Variants in TFDP2 observed in about 807,000 individuals in gnomAD.
The protein encoded by TFDP2 is transcription factor Dp-2.
A neutral mutation model predicts 59.3 loss-of-function variants in TFDP2; 17 were observed. The observed-to-expected ratio is 0.29, with a 90% CI of 0.20 to 0.43. The LOEUF (loss-of-function observed/expected upper bound fraction) is 0.43. Among genes scored for constraint, TFDP2 ranks in the 20% least tolerant of loss-of-function variants. The pLI is 1.00. For missense variants in TFDP2, 391 were observed against 528.8 expected, an observed-to-expected ratio of 0.74 and a Z score of 2.56; for synonymous variants, 180 against 194.7, an observed-to-expected ratio of 0.92 and a Z score of 0.63.
At chr3:142,093,273 T>C (rs2061056709) in intron 2 of TFDP2, 146 bp from the exon 3 acceptor site, 1 of 520,966 alleles carries the variant, frequency 1.9e-6, no homozygotes, top group Admixed American at 3.8e-5. Flanking sequence ...CACAGGAGTA[T>C]TATTTTAAAA....
At chr3:141,973,123 A>ATTTTTTTTTTTTTTTT (rs761950988) in intron 8 of TFDP2, among the ~76,000 whole-genome samples, 2 of 58,030 alleles carry the variant, frequency 3.4e-5, no homozygotes, top group Non-Finnish European at 7.4e-5. Flanking sequence ...ATATATATAT[A>ATTTTTTTTTTTTTTTT]TTTTTTTTTT....
chr3:142,005,102 C>T (rs144888874), intron 4 of TFDP2, among the ~76,000 whole-genome samples: 23 of 152,316 alleles, frequency 1.5e-4, no homozygotes, highest in African/African-American at 5.5e-4. Context: ...GGCAGGAGTG[C>T]AGTGGTGCAA....
chr3:142,130,553 A>G (rs896929592), intron 1 of TFDP2, among the ~76,000 whole-genome samples: 2 of 151,288 alleles, frequency 1.3e-5, no homozygotes, highest in African/African-American at 2.4e-5. Context: ...GGTTTGTTAC[A>G]TATGTATACA....
At chr3:141,993,144 G>C (rs946986119) in intron 6 of TFDP2, among the ~76,000 whole-genome samples, 3 of 150,358 alleles carry the variant, frequency 2.0e-5, no homozygotes, top group Admixed American at 1.3e-4. Flanking sequence ...AGGTTGCAGT[G>C]AGCCAAGATA....
At chr3:141,966,605 T>C (rs897233902) in intron 9 of TFDP2, among the ~76,000 whole-genome samples, 3 of 151,866 alleles carry the variant, frequency 2.0e-5, no homozygotes, top group African/African-American at 7.3e-5. Flanking sequence ...CTTTGGCCTT[T>C]TGTTCTTTTT....
chr3:142,102,030 C>T (rs1437387011), intron 1 of TFDP2, among the ~76,000 whole-genome samples, 189 bp from the exon 2 acceptor site: 1 of 152,174 alleles, frequency 6.6e-6, no homozygotes, highest in South Asian at 2.1e-4. Flanking sequence ...GAAAGGTTAA[C>T]TAATTTGACC....
chr3:141,956,011 T>C (rs1413686214), intron 11 of TFDP2, among the ~76,000 whole-genome samples: 3 of 152,198 alleles, frequency 2.0e-5, no homozygotes, highest in African/African-American at 7.2e-5. Flanking sequence ...TTTTGCCATG[T>C]TGGTCAGCCT....
intron 3 of TFDP2, chr3:142,028,447 A>C (rs1946250179): frequency 2.8e-6 from 1 of 351,278 alleles, no homozygotes; most frequent in Non-Finnish European, 3.6e-6. Context: ...TTCTGTCTGC[A>C]ACAAGCAAGG....
At chr3:142,027,224 G>GT (rs892661008) in intron 3 of TFDP2, among the ~76,000 whole-genome samples, 15 of 151,230 alleles carry the variant, frequency 9.9e-5, no homozygotes, top group Admixed American at 3.9e-4. Context: ...AATATTTAAA[G>GT]TTTTTTTTTA....
chr3:142,105,703 A>G (rs1426321787), intron 1 of TFDP2, among the ~76,000 whole-genome samples: 1 of 152,234 alleles, frequency 6.6e-6, no homozygotes, highest in East Asian at 1.9e-4. Context: ...TTCACAGAAC[A>G]AAGTACAATT....
At position 142,042,167 on chromosome 3, in the gene TFDP2, T is replaced by G. The variant is rs562923367; in HGVS notation, c.83-36623A>C. 8.1e-4 allele frequency among the ~76,000 whole-genome samples: 124 copies of G among 152,362 alleles called. 1 individual carries two copies. The highest frequency in any genetic ancestry group is 2.8e-3 in the African/African-American group (116 of 41,588). ...TATGTTAACATATTCATTTTTATTC[T>G]AATTACTAATAAGGTGGTCTTATAT... is the stretch of plus-strand genomic sequence containing the variant. On this transcript the variant is annotated intron_variant, in intron 3 of 12. Coordinates refer to ENST00000489671, the MANE Select transcript of TFDP2 (RefSeq NM_001178139.2).
At chr3:141,955,749 T>C (rs549113156) in intron 11 of TFDP2, among the ~76,000 whole-genome samples, 98 of 152,368 alleles carry the variant, frequency 6.4e-4, no homozygotes, top group African/African-American at 2.0e-3. Context: ...AAATTCTAGA[T>C]GGTTATACTT....
At chr3:142,009,926 T>C (rs1944522944) in intron 3 of TFDP2, among the ~76,000 whole-genome samples, 1 of 151,710 alleles carries the variant, frequency 6.6e-6, no homozygotes, top group South Asian at 2.1e-4. Flanking sequence ...AAAAATCAAA[T>C]ATTGAAACAT....
In TFDP2 at chr3:142,000,975, G is replaced by A. The variant is rs534929077; in HGVS notation, c.186+4466C>T. ...GGCAGCCCATGCTGCAGTTCTCCTG[G>A]GTTAGAGTTTGAGTCTTCTGCATGT... is the stretch of plus-strand genomic sequence containing the variant. On this transcript the variant is annotated intron_variant, in intron 4 of 12. Coordinates refer to ENST00000489671, the MANE Select transcript of TFDP2 (RefSeq NM_001178139.2). Among the ~76,000 whole-genome samples, 510 of 152,266 alleles carry A rather than the reference G, an allele frequency of 3.3e-3. 1 individual carries two copies. The highest frequency in any genetic ancestry group is 5.7e-3 in the Non-Finnish European group (389 of 68,016).
At chr3:141,966,661 G>C (rs565072425) in intron 9 of TFDP2, among the ~76,000 whole-genome samples, 1 of 151,652 alleles carries the variant, frequency 6.6e-6, no homozygotes, top group Non-Finnish European at 1.5e-5. Flanking sequence ...CTTTAAGTGT[G>C]TTCATTCATT....
At chr3:142,052,254 T>C (rs566695101) in intron 3 of TFDP2, among the ~76,000 whole-genome samples, 3 of 152,056 alleles carry the variant, frequency 2.0e-5, no homozygotes, top group African/African-American at 7.2e-5. Context: ...AACCTTAGTA[T>C]TGGCCGTGCG....
chr3:141,984,250 C>T (rs1941810886), intron 6 of TFDP2, among the ~76,000 whole-genome samples: 1 of 151,992 alleles, frequency 6.6e-6, no homozygotes, highest in Non-Finnish European at 1.5e-5. Context: ...ACCTGTAATC[C>T]CAGCACTTTG....
Position 142,043,524 on chromosome 3 carries a change from C to T in TFDP2, c.83-37980G>A, listed in dbSNP as rs138020959. ...GATTACAGGCGCATGCCACCACACT[C>T]GGCTAATTTATTTTTACAAGCAGAT... On this transcript the variant is annotated intron_variant, in intron 3 of 12. Coordinates refer to ENST00000489671, the MANE Select transcript of TFDP2 (RefSeq NM_001178139.2). The T allele has an allele frequency of 3.6e-4, 200 of 552,230 alleles. 1 individual carries two copies. The highest frequency in any genetic ancestry group is 3.5e-3 in the African/African-American group (185 of 52,118). The allele number at this position is 552,230 out of a possible 1,614,324, so 34.2% of individuals were successfully genotyped here. A position where few individuals can be genotyped will look rare whatever the true frequency, so the allele number is the denominator to read the frequency against.
At chr3:142,073,113 C>A (rs984021729) in intron 3 of TFDP2, among the ~76,000 whole-genome samples, 1 of 152,204 alleles carries the variant, frequency 6.6e-6, no homozygotes, top group African/African-American at 2.4e-5. Flanking sequence ...AAATGTCACC[C>A]AGGCTGGAGT....
Sources: gnomAD v4.1 joint callset for allele counts (sites outside exome capture counted in the v4.1 genomes callset) on GRCh38, gnomAD v4.1.1 for gene constraint, MANE v1.5 for transcripts, NCBI Gene and HGNC (gene_info 2026-07-23, HGNC 2026-07-21) for gene names.